Variants in LARP1 observed in about 807,000 individuals in gnomAD.
The protein encoded by LARP1 is la-related protein 1.
A neutral mutation model predicts 122.7 loss-of-function variants in LARP1; 36 were observed. The ratio of observed to expected loss-of-function variants is 0.29; its 90% confidence interval spans 0.22 to 0.39. The LOEUF is 0.39. LARP1 is among the 10% of genes least tolerant of loss of function. The pLI, the probability that LARP1 is intolerant of heterozygous loss-of-function variation, is 1.00. For missense variants in LARP1, 1,040 were observed against 1,403.6 expected, an observed-to-expected ratio of 0.74 and a Z score of 4.14; for synonymous variants, 539 against 528.7, an observed-to-expected ratio of 1.02 and a Z score of -0.27.
chr5:154,773,127 A>C (rs1196852398), intron 1 of LARP1, among the ~76,000 whole-genome samples: 1 of 151,910 alleles, frequency 6.6e-6, no homozygotes, highest in Non-Finnish European at 1.5e-5. Flanking sequence ...TTTGTACTGG[A>C]AGGGCTTATT....
chr5:154,700,907 C>G (rs1446525742), intron 1 of LARP1, among the ~76,000 whole-genome samples: 1 of 151,454 alleles, frequency 6.6e-6, no homozygotes, highest in Non-Finnish European at 1.5e-5. Context: ...CAGTGGGAGC[C>G]GAAATCACGC....
At chr5:154,787,777 C>T (rs1333028129) in intron 1 of LARP1, among the ~76,000 whole-genome samples, 1 of 152,144 alleles carries the variant, frequency 6.6e-6, no homozygotes, top group African/African-American at 2.4e-5. Flanking sequence ...CAAACTCACA[C>T]AGGACTAATT....
chr5:154,718,142 A>T (rs72797583), intron 1 of LARP1, among the ~76,000 whole-genome samples: 2 of 151,756 alleles, frequency 1.3e-5, no homozygotes, highest in Admixed American at 6.6e-5. Context: ...GCCTGGTCTC[A>T]AATTCCTCGT....
At chr5:154,791,862 G>A (rs1171197491) in intron 3 of LARP1, 2 of 427,814 alleles carry the variant, frequency 4.7e-6, no homozygotes. Flanking sequence ...TTTATTCAAG[G>A]GTCAGCTGAA....
intron 16 of LARP1, among the ~76,000 whole-genome samples, chr5:154,809,996 G>A (rs908782804): frequency 6.6e-6 from 1 of 151,958 alleles, no homozygotes; most frequent in Non-Finnish European, 1.5e-5. Context: ...GTGAGCCACC[G>A]CGCCCTGCCT....
chr5:154,757,227 C>G (rs1487987535), intron 1 of LARP1: 1 of 151,734 alleles, frequency 6.6e-6, no homozygotes, highest in Non-Finnish European at 1.5e-5. Flanking sequence ...CGGCGCTCCG[C>G]GAGTCCTCCC....
intron 1 of LARP1, among the ~76,000 whole-genome samples, chr5:154,690,926 A>G (rs1002862737): frequency 2.6e-5 from 4 of 152,184 alleles, no homozygotes; most frequent in African/African-American, 9.7e-5. Context: ...CAGCCACAGT[A>G]TATTGATTCT....
chr5:154,779,212 G>A (rs550167676), intron 1 of LARP1, among the ~76,000 whole-genome samples: 3 of 152,262 alleles, frequency 2.0e-5, no homozygotes, highest in African/African-American at 7.2e-5. Context: ...GATCATCTCG[G>A]TAAGCTGTCA....
intron 1 of LARP1, among the ~76,000 whole-genome samples, chr5:154,776,120 G>A (rs1473824407): frequency 6.6e-6 from 1 of 152,178 alleles, no homozygotes; most frequent in Non-Finnish European, 1.5e-5. Flanking sequence ...GACCAGCCTA[G>A]GCGGCATAGC....
chr5:154,733,084 C>G (rs916569407), intron 1 of LARP1, among the ~76,000 whole-genome samples: 1 of 152,172 alleles, frequency 6.6e-6, no homozygotes, highest in Non-Finnish European at 1.5e-5. Context: ...TCCGTCTGGA[C>G]CCACCTGGAA....
At chr5:154,756,990 G>A (rs1233699976) in intron 1 of LARP1, among the ~76,000 whole-genome samples, 1 of 149,336 alleles carries the variant, frequency 6.7e-6, no homozygotes, top group Non-Finnish European at 1.5e-5. Flanking sequence ...GGGCGGGCGG[G>A]TGACAGTTGG....
chr5:154,771,776 T>G (rs1044073651), intron 1 of LARP1, among the ~76,000 whole-genome samples: 8 of 152,204 alleles, frequency 5.3e-5, no homozygotes, highest in African/African-American at 1.9e-4. Context: ...GATGTTCCTC[T>G]TCAGCTCTGC....
intron 1 of LARP1, among the ~76,000 whole-genome samples, chr5:154,773,077 C>G (rs1755576937): frequency 7.0e-6 from 1 of 142,144 alleles, no homozygotes; most frequent in Admixed American, 7.5e-5. Context: ...CGATAAAGAA[C>G]AAGGAAGGCT....
chr5:154,693,822 C>T (rs1204292780), intron 1 of LARP1, among the ~76,000 whole-genome samples: 2 of 150,016 alleles, frequency 1.3e-5, no homozygotes, highest in Non-Finnish European at 1.5e-5. Flanking sequence ...CGCCACTGCA[C>T]TCCAGCCTGG....
chr5:154,798,633 C>G (rs1758081178), intron 8 of LARP1, among the ~76,000 whole-genome samples: 1 of 152,062 alleles, frequency 6.6e-6, no homozygotes, highest in South Asian at 2.1e-4. Context: ...TCCCAAGTAG[C>G]TGGGACCACA....
At chr5:154,781,655 T>C (rs895048967) in intron 1 of LARP1, among the ~76,000 whole-genome samples, 3 of 152,120 alleles carry the variant, frequency 2.0e-5, no homozygotes, top group African/African-American at 7.2e-5. Flanking sequence ...AACTTTGGCA[T>C]CATGCAAAGA....
upstream of LARP1, among the ~76,000 whole-genome samples, chr5:154,709,303 C>T (rs564296381): frequency 2.6e-5 from 4 of 152,334 alleles, no homozygotes; most frequent in African/African-American, 9.6e-5. Context: ...TTCTGCTCTT[C>T]ATGTTCACAT....
At chr5:154,736,361 G>C (rs948117762) in intron 1 of LARP1, among the ~76,000 whole-genome samples, 1 of 151,760 alleles carries the variant, frequency 6.6e-6, no homozygotes, top group Non-Finnish European at 1.5e-5. Flanking sequence ...CTCCCAAAGT[G>C]CTGGGATTAC....
At chr5:154,751,319 T>G (rs927044606), upstream of LARP1, among the ~76,000 whole-genome samples, 1 of 152,174 alleles carries the variant, frequency 6.6e-6, no homozygotes, top group Non-Finnish European at 1.5e-5. Flanking sequence ...TCAATTGCCT[T>G]CCTTTGTAAT....
Sources: allele counts gnomAD v4.1 joint callset (sites outside exome capture counted in the v4.1 genomes callset), GRCh38; gene constraint gnomAD v4.1.1; transcripts MANE v1.5; gene names NCBI Gene and HGNC (gene_info 2026-07-23, HGNC 2026-07-21).